Variants in IFNG observed in about 807,000 individuals in gnomAD.
IFNG encodes interferon gamma, also known as IFN-gamma.
IFNG carries 8 observed loss-of-function variants against 14.4 expected under a neutral mutation model. The observed-to-expected ratio is 0.56, with a 90% confidence interval of 0.33 to 1.00. The LOEUF is 1.00. Among genes scored for constraint, IFNG ranks in the 50% least tolerant of loss-of-function variants. IFNG has a pLI of 0.03. For missense variants in IFNG, 132 were observed against 194.9 expected (o/e 0.68, Z 1.92); for synonymous variants, 73 against 65.4 (o/e 1.12, Z -0.56).
At position 68,155,267 on chromosome 12, in the gene IFNG, TA is replaced by T; in HGVS notation, c.*85del. ...TAAATACTTATTTGATTGATGAGTC[TA>T]AAAATATATTCCCCATATAAATAAT... On this transcript the variant is annotated 3_prime_UTR_variant, in exon 4 of 4. Coordinates refer to ENST00000229135, the MANE Select transcript of IFNG (RefSeq NM_000619.3). The T allele has an allele frequency of 1.0e-6, 1 of 985,484 alleles. No individual in the cohort carries two copies. Among genetic ancestry groups the T allele is most frequent in the Non-Finnish European group, 1.4e-6 (1 of 709,110 alleles). The allele number at this position is 985,484 out of a possible 1,614,324, so 61.0% of individuals were successfully genotyped here.
At chr12:68,157,496 T>C (rs931997559) in intron 3 of IFNG, among the ~76,000 whole-genome samples, 5 of 152,188 alleles carry the variant, frequency 3.3e-5, no homozygotes, top group Non-Finnish European at 7.3e-5. Context: ...GTGGCTGAGT[T>C]GGGAGGAGAA....
intron 3 of IFNG, among the ~76,000 whole-genome samples, chr12:68,156,460 A>C (rs1472886486): frequency 6.6e-6 from 1 of 151,942 alleles, no homozygotes; most frequent in Non-Finnish European, 1.5e-5. Flanking sequence ...TACTCACCAC[A>C]TTTCTGAGGA....
chr12:68,155,522 G>A (rs774972292), intron 3 of IFNG, 35 bp from the exon 4 acceptor site: 9 of 1,565,964 alleles, frequency 5.7e-6, no homozygotes, highest in Middle Eastern at 3.4e-4. Context: ...TTAATTTCAG[G>A]CATATAAGCC....
intron 3 of IFNG, among the ~76,000 whole-genome samples, chr12:68,156,829 AG>A (rs1431085568): frequency 6.6e-6 from 1 of 152,108 alleles, no homozygotes; most frequent in Non-Finnish European, 1.5e-5. Context: ...TTATAACCAA[AG>A]GAGACCTGTT....
Position 68,155,315 on chromosome 12 carries a change from T to G in IFNG, c.*38A>C, listed in dbSNP as rs1882583526. 4.1e-6 allele frequency: 6 copies of G among 1,457,654 alleles called. No homozygotes were observed. The African/African-American group carries it at 5.7e-5, about 14-fold the overall frequency. The allele number at this position is 1,457,654 out of a possible 1,614,324, so 90.3% of individuals were successfully genotyped here. ...TAATGTTAAATATTAATAAATAGAT[T>G]TAGATTTAAAATTCAAATATTGCAG... On this transcript the variant is annotated 3_prime_UTR_variant, in exon 4 of 4. Coordinates refer to ENST00000229135, the MANE Select transcript of IFNG (RefSeq NM_000619.3).
chr12:68,156,186 G>A (rs1209713702), intron 3 of IFNG, among the ~76,000 whole-genome samples: 4 of 152,122 alleles, frequency 2.6e-5, no homozygotes, highest in East Asian at 3.8e-4. Flanking sequence ...TCCCAGATTA[G>A]GTCAGTCTCT....
chr12:68,156,672 AAAAATTTTCGAC>A (rs1238747004), intron 3 of IFNG, among the ~76,000 whole-genome samples: 1 of 152,150 alleles, frequency 6.6e-6, no homozygotes, highest in Non-Finnish European at 1.5e-5. Context: ...GCAGAGTAGA[AAAAATTTTCGAC>A]AAGCTGTGTG....
intron 3 of IFNG, among the ~76,000 whole-genome samples, chr12:68,157,111 C>A (rs1882612742): frequency 6.6e-6 from 1 of 152,166 alleles, no homozygotes; most frequent in Admixed American, 6.5e-5. Context: ...GATACAAGTT[C>A]ATGAGGTAAG....
chr12:68,158,860 CT>C (rs1222186139), intron 1 of IFNG, among the ~76,000 whole-genome samples: 4 of 151,966 alleles, frequency 2.6e-5, no homozygotes, highest in African/African-American at 9.7e-5. Flanking sequence ...AATGTAAAAA[CT>C]TTTCATTAAC....
intron 1 of IFNG, 136 bp from the exon 2 acceptor site, chr12:68,158,395 A>G (rs1882634612): frequency 1.6e-6 from 1 of 618,690 alleles, no homozygotes. Context: ...AGTTCTAACA[A>G]TAAGTATTCC....
intron 3 of IFNG, among the ~76,000 whole-genome samples, 161 bp from the exon 4 acceptor site, chr12:68,155,648 A>T (rs1248271675): frequency 1.3e-5 from 2 of 152,358 alleles, no homozygotes; most frequent in South Asian, 2.1e-4. Context: ...GAAGCTAAAA[A>T]TTACAATTAC....
chr12:68,159,244 T>C (rs1249782100), intron 1 of IFNG, among the ~76,000 whole-genome samples: 1 of 152,198 alleles, frequency 6.6e-6, no homozygotes, highest in Non-Finnish European at 1.5e-5. Context: ...TTAACATCAT[T>C]ATGCTTCATA....
At chr12:68,155,990 T>A (rs758770411) in intron 3 of IFNG, among the ~76,000 whole-genome samples, 8 of 152,186 alleles carry the variant, frequency 5.3e-5, no homozygotes, top group Non-Finnish European at 8.8e-5. Context: ...CATAGCAGAT[T>A]AATCCGGAAA....
chr12:68,155,601 A>G, intron 3 of IFNG, 114 bp from the exon 4 acceptor site: 1 of 846,988 alleles, frequency 1.2e-6, no homozygotes, highest in Non-Finnish European at 1.7e-6. Flanking sequence ...AATGGACCGT[A>G]TTACCTTAAT....
At chr12:68,157,245 C>G (rs757510606) in intron 3 of IFNG, among the ~76,000 whole-genome samples, 2 of 152,110 alleles carry the variant, frequency 1.3e-5, no homozygotes, top group Non-Finnish European at 2.9e-5. Flanking sequence ...AAACAGCAAC[C>G]ATTCTTGCTT....
chr12:68,158,182 T>G lies in IFNG; in HGVS notation c.183+9A>C. 1.2e-6 allele frequency: 2 copies of G among 1,606,536 alleles called. No homozygotes were observed. Among genetic ancestry groups the G allele is most frequent in the Non-Finnish European group, 1.7e-6 (2 of 1,176,838 alleles). On this transcript the variant is annotated intron_variant, in intron 2 of 3. Coordinates refer to ENST00000229135, the MANE Select transcript of IFNG (RefSeq NM_000619.3). The stretch of plus-strand genomic sequence containing the variant: ...AGGAAAATTAGCCAAATGGGAATAT[T>G]CAGCTTACCTCTTTCCAATTCTTCA...
At position 68,157,983 on chromosome 12, in the gene IFNG, T is replaced by C; in HGVS notation, c.296A>G (p.Asp99Gly). 6.2e-7 allele frequency: 1 copy of C among 1,610,142 alleles called. No homozygotes were observed. The highest frequency in any genetic ancestry group is 8.5e-7 in the Non-Finnish European group (1 of 1,177,432). The change falls in exon 3 of 4, where the codon GAC (aspartate) becomes GGC (glycine). Residue 99 changes from aspartate (D) to glycine (G), a missense_variant. Asp to Gly is a moderately conservative substitution (Grantham distance 94). Transcript: ENST00000229135. ...GCTATTGAAAAACTTGACATTCATGTCTTCCTTGATGGTCTCCACACTCTT... is the reference window on the plus strand; with the variant it reads ...GCTATTGAAAAACTTGACATTCATGCCTTCCTTGATGGTCTCCACACTCTT... The part of the protein sequence containing the change: ...IQKSVETIKE[D>G]MNVKFFNSNK...
rs2120751302 is a variant in IFNG, at chr12:68,159,585, G to A, written c.31C>T (p.Gln11Ter). 1 of 1,601,544 alleles carries A rather than the reference G, an allele frequency of 6.2e-7. No individual in the cohort carries two copies. The highest frequency in any genetic ancestry group is 8.5e-7 in the Non-Finnish European group (1 of 1,170,780). Residue 11 changes from glutamine to a stop codon, truncating the protein, a stop_gained, in exon 1 of 4, where the codon CAG becomes TAG. Coordinates refer to ENST00000229135, the MANE Select transcript of IFNG (RefSeq NM_000619.3). LOFTEE classifies it high-confidence loss of function. ...AGAGAACCCAAAACGATGCAGAGCT[G>A]AAAAGCCAAGATATAACTTGTATAT... MKYTSYILAF[Q>*]LCIVLGSLGC...
Position 68,158,266 on chromosome 12 carries a change from A to C in IFNG, c.115-7T>G. 1.3e-6 allele frequency: 2 copies of C among 1,575,428 alleles called. No individual in the cohort carries two copies. The highest frequency in any genetic ancestry group is 1.2e-5 in the South Asian group (1 of 83,944). ...CATCTGAATGACCTGCATTCTAAAAAAAAAAAAAGAAAAAATTGGTTTACA... is the reference window on the plus strand; with the variant it reads ...CATCTGAATGACCTGCATTCTAAAACAAAAAAAAGAAAAAATTGGTTTACA... On this transcript the variant is annotated splice_region_variant and splice_polypyrimidine_tract_variant and intron_variant, in intron 1 of 3. Coordinates refer to ENST00000229135, the MANE Select transcript of IFNG (RefSeq NM_000619.3).
Sources: allele counts gnomAD v4.1 joint callset (sites outside exome capture counted in the v4.1 genomes callset), GRCh38; gene constraint gnomAD v4.1.1; transcripts MANE v1.5; gene names NCBI Gene and HGNC (gene_info 2026-07-23, HGNC 2026-07-21).